The following SPATA17 variants were observed in gnomAD, a reference collection of about 807,000 sequenced individuals.
The protein encoded by SPATA17 is spermatogenesis associated 17.
In SPATA17, 53 loss-of-function variants were observed where a neutral mutation model predicts 62.2. That is an observed-to-expected ratio of 0.85 (90% CI 0.68 to 1.07). SPATA17 has a LOEUF of 1.07. Ranked by LOEUF, SPATA17 falls within the 50% of genes least tolerant of loss-of-function variation. The probability of loss-of-function intolerance (pLI) is 0.00; values close to 1 mark genes in which losing one functional copy is unlikely to be tolerated. For missense variants in SPATA17, 466 were observed against 425.5 expected (o/e 1.10, Z -0.84); for synonymous variants, 146 against 146.8 (o/e 0.99, Z 0.04).
At chr1:217,727,558 T>C (rs1385282943) in intron 5 of SPATA17, among the ~76,000 whole-genome samples, 2 of 152,140 alleles carry the variant, frequency 1.3e-5, no homozygotes, top group Non-Finnish European at 2.9e-5. Flanking sequence ...ACATAAATCT[T>C]CAATAATGAA....
chr1:217,729,362 G>A (rs1197209469), intron 5 of SPATA17, among the ~76,000 whole-genome samples: 2 of 152,120 alleles, frequency 1.3e-5, no homozygotes, highest in Admixed American at 1.3e-4. Context: ...GTGTAAATAA[G>A]GAGAGTAAAT....
intron 9 of SPATA17, chr1:217,850,472 T>C: frequency 7.7e-7 from 1 of 1,301,686 alleles, no homozygotes; most frequent in Non-Finnish European, 1.0e-6. Context: ...TCAGAAAGAG[T>C]ACAGCCTCTT....
At chr1:217,833,644 A>G (rs1675197185) in intron 9 of SPATA17, among the ~76,000 whole-genome samples, 1 of 152,190 alleles carries the variant, frequency 6.6e-6, no homozygotes, top group Non-Finnish European at 1.5e-5. Flanking sequence ...TTTAATATAC[A>G]GAGTGGCAAA....
At chr1:217,866,916 G>A (rs994245002) in intron 10 of SPATA17, 106 bp from the exon 11 acceptor site, 1 of 150,862 alleles carries the variant, frequency 6.6e-6, no homozygotes, top group Non-Finnish European at 1.5e-5. Context: ...ATTAAGGTGT[G>A]AAGTGAGTGT....
At chr1:217,865,478 A>G (rs991945089) in intron 10 of SPATA17, among the ~76,000 whole-genome samples, 3 of 152,188 alleles carry the variant, frequency 2.0e-5, no homozygotes, top group Non-Finnish European at 4.4e-5. Context: ...AAACACACAC[A>G]TATTTTAAAA....
At chr1:217,859,670 G>T (rs1477067319) in intron 9 of SPATA17, among the ~76,000 whole-genome samples, 1 of 152,110 alleles carries the variant, frequency 6.6e-6, no homozygotes, top group East Asian at 1.9e-4. Flanking sequence ...GCCTCCTGAA[G>T]TGCTGGATTA....
chr1:217,644,016 C>T lies in SPATA17; in HGVS notation c.69-4866C>T, dbSNP rs186831365. On this transcript the variant is annotated intron_variant, in intron 1 of 10. Coordinates refer to ENST00000366933, the MANE Select transcript of SPATA17 (RefSeq NM_138796.4). The stretch of plus-strand genomic sequence containing the variant: ...TTCTGGGATTACAGGTGTGAGCCAC[C>T]GCACACAGCTAGGAAACAAAATCTT... Among the ~76,000 whole-genome samples, 649 of 152,152 alleles carry T rather than the reference C, an allele frequency of 4.3e-3. 2 individuals are homozygous for T. The highest frequency in any genetic ancestry group is 7.3e-3 in the Non-Finnish European group (495 of 68,000).
intron 5 of SPATA17, among the ~76,000 whole-genome samples, chr1:217,703,505 A>G (rs898375327): frequency 3.9e-5 from 6 of 152,136 alleles, no homozygotes; most frequent in African/African-American, 2.4e-5. Context: ...ATTGTCACTG[A>G]CGTACAAAGT....
intron 5 of SPATA17, among the ~76,000 whole-genome samples, chr1:217,689,210 A>G (rs1671292338): frequency 7.4e-6 from 1 of 135,178 alleles, no homozygotes; most frequent in Admixed American, 7.8e-5. Context: ...ATCAGATAGC[A>G]TTTATTATGT....
chr1:217,782,252 A>T lies in SPATA17; in HGVS notation c.802A>T (p.Ile268Phe), dbSNP rs772945939. 1.6e-5 allele frequency: 26 copies of T among 1,613,124 alleles called. No individual in the cohort carries two copies. In the South Asian group the frequency reaches 2.9e-4, roughly 18 times the overall value. ...LEPTLRVAEP[I>F]DELKLAREEL... ...GCCAACGTTGCGGGTGGCAGAACCA[A>T]TCGATGAGTTAAAGTTGGCCAGAGA... The change falls in exon 8 of 11, where the codon ATC (isoleucine) becomes TTC (phenylalanine). Residue 268 changes from isoleucine to phenylalanine, a missense_variant. Physicochemically the swap from Ile to Phe is conservative, Grantham distance 21 (BLOSUM62 0). Transcript: ENST00000366933.
Position 217,663,112 on chromosome 1 carries a change from CT to C in SPATA17, c.241-5917del, listed in dbSNP as rs371248745. On this transcript the variant is annotated intron_variant, in intron 3 of 10. Transcript: ENST00000366933. Reference sequence around the variant, plus strand: ...TAACTGGGAGAAAGAATATAATTGGCTTTTAATTCTTTTTTATGGAAAAAAT... The same window carrying C: ...TAACTGGGAGAAAGAATATAATTGGCTTTAATTCTTTTTTATGGAAAAAAT... Among the ~76,000 whole-genome samples the C allele has an allele frequency of 1.1e-4, 16 of 152,126 alleles. No homozygotes were observed. The East Asian group carries it at 2.7e-3, about 26-fold the overall frequency.
At chr1:217,780,086 G>A (rs1673697754) in intron 7 of SPATA17, among the ~76,000 whole-genome samples, 2 of 151,854 alleles carry the variant, frequency 1.3e-5, no homozygotes, top group African/African-American at 4.8e-5. Context: ...AAGTTTGATA[G>A]GTGAAAGATA....
chr1:217,799,323 C>A (rs1222275452), intron 8 of SPATA17, among the ~76,000 whole-genome samples: 1 of 152,064 alleles, frequency 6.6e-6, no homozygotes, highest in Non-Finnish European at 1.5e-5. Context: ...CTTGAGAAGG[C>A]AAATTTTGTT....
intron 9 of SPATA17, among the ~76,000 whole-genome samples, chr1:217,849,984 T>C (rs1675610761): frequency 6.6e-6 from 1 of 152,106 alleles, no homozygotes; most frequent in Non-Finnish European, 1.5e-5. Context: ...CCCTGTCTGT[T>C]TCCCAATATA....
intron 9 of SPATA17, among the ~76,000 whole-genome samples, chr1:217,845,257 A>C (rs1675496870): frequency 6.6e-6 from 1 of 151,850 alleles, no homozygotes; most frequent in African/African-American, 2.4e-5. Context: ...GGCCTATATA[A>C]TTTTTTCCCT....
At position 217,816,118 on chromosome 1, in the gene SPATA17, T is replaced by C. The variant is rs549902915; in HGVS notation, c.1005+14268T>C. ...TTCAGTCTTAATTCAACTGAAATTT[T>C]ATTTGCTACTGAAAAAATTTATAGA... is the stretch of plus-strand genomic sequence containing the variant. On this transcript the variant is annotated intron_variant, in intron 9 of 10. Coordinates refer to ENST00000366933, the MANE Select transcript of SPATA17 (RefSeq NM_138796.4). Among the ~76,000 whole-genome samples, 5 of 152,196 alleles carry C rather than the reference T, an allele frequency of 3.3e-5. No homozygotes were observed. In the East Asian group the frequency reaches 9.7e-4, roughly 29 times the overall value.
At chr1:217,720,406 A>G (rs1672098022) in intron 5 of SPATA17, among the ~76,000 whole-genome samples, 1 of 152,122 alleles carries the variant, frequency 6.6e-6, no homozygotes, top group Non-Finnish European at 1.5e-5. Flanking sequence ...TGGCAATATG[A>G]CTTCATTTTG....
chr1:217,817,283 A>T (rs4846246), intron 9 of SPATA17, among the ~76,000 whole-genome samples: 10,946 of 151,910 alleles, frequency 0.072, 453 homozygotes, highest in East Asian at 0.15. Flanking sequence ...GTGGTGGGAG[A>T]GACCTACTGG....
chr1:217,819,236 T>C (rs1164236151), intron 9 of SPATA17, among the ~76,000 whole-genome samples: 1 of 152,002 alleles, frequency 6.6e-6, no homozygotes, highest in East Asian at 1.9e-4. Context: ...ATTTTCTTTA[T>C]TTTATGGACA....
Sources: gnomAD v4.1 joint callset for allele counts (sites outside exome capture counted in the v4.1 genomes callset) on GRCh38, gnomAD v4.1.1 for gene constraint, MANE v1.5 for transcripts, NCBI Gene and HGNC (gene_info 2026-07-23, HGNC 2026-07-21) for gene names.